Variants in DRC11 observed in about 807,000 individuals in gnomAD.
DRC11 encodes IQ and AAA domain-containing protein 1.
the DRC11 span, chr2:236,507,266 A>G: frequency 6.2e-7 from 1 of 1,613,874 alleles, no homozygotes; most frequent in African/African-American, 1.3e-5. Context: ...CGCGTTCGAC[A>G]TTGCTGGCTA....
At chr2:236,405,444 C>T in the DRC11 span, among the ~76,000 whole-genome samples, 1 of 151,688 alleles carries the variant, frequency 6.6e-6, no homozygotes, top group Non-Finnish European at 1.5e-5. This position sits in a 1 kb window ranked among gnomAD's most constrained non-coding sequence, Gnocchi z 4.6. Flanking sequence ...GTTTTCTGGG[C>T]CTTGCTTTCT....
At chr2:236,477,593 T>A in the DRC11 span, among the ~76,000 whole-genome samples, 2 of 152,194 alleles carry the variant, frequency 1.3e-5, no homozygotes, top group Non-Finnish European at 2.9e-5. Flanking sequence ...TAATTTTTTT[T>A]AATAGTTTGA....
At chr2:236,407,622 C>T in the DRC11 span, among the ~76,000 whole-genome samples, 60 of 152,238 alleles carry the variant, frequency 3.9e-4, no homozygotes, top group Non-Finnish European at 5.1e-4. Context: ...TTTTATATAT[C>T]GCTCTCCTAT....
chr2:236,359,669 T>G, the DRC11 span, among the ~76,000 whole-genome samples: 1 of 152,200 alleles, frequency 6.6e-6, no homozygotes, highest in African/African-American at 2.4e-5. The surrounding 1 kb of genome is among the most constrained non-coding windows in gnomAD (Gnocchi z 4.3). Flanking sequence ...GCCCTCCAGC[T>G]TCCTGCCGTC....
At chr2:236,455,228 G>A in the DRC11 span, 2 of 152,366 alleles carry the variant, frequency 1.3e-5, no homozygotes, top group African/African-American at 2.4e-5. This position sits in a 1 kb window ranked among gnomAD's most constrained non-coding sequence, Gnocchi z 5.7. Flanking sequence ...TGTTCGGAAG[G>A]AGGAGACCTA....
chr2:236,402,041 G>T, the DRC11 span, among the ~76,000 whole-genome samples: 1 of 152,224 alleles, frequency 6.6e-6, no homozygotes, highest in African/African-American at 2.4e-5. The surrounding 1 kb of genome is among the most constrained non-coding windows in gnomAD (Gnocchi z 6.0). Context: ...GAGGCTGGGT[G>T]TGGAGCCATT....
At chr2:236,486,100 G>T in the DRC11 span, among the ~76,000 whole-genome samples, 1 of 152,206 alleles carries the variant, frequency 6.6e-6, no homozygotes, top group African/African-American at 2.4e-5. This position sits in a 1 kb window ranked among gnomAD's most constrained non-coding sequence, Gnocchi z 5.7. Flanking sequence ...GACGAAGCCA[G>T]CTGCCATATG....
the DRC11 span, among the ~76,000 whole-genome samples, chr2:236,442,569 T>C: frequency 2.0e-5 from 3 of 152,320 alleles, no homozygotes; most frequent in South Asian, 4.1e-4. Flanking sequence ...TGAAAATCCA[T>C]GGATTTGTCT....
the DRC11 span, among the ~76,000 whole-genome samples, chr2:236,321,248 T>A: frequency 6.6e-6 from 1 of 152,354 alleles, no homozygotes. Flanking sequence ...GGAAATAATC[T>A]AATTATCTGT....
chr2:236,410,742 C>T, the DRC11 span, among the ~76,000 whole-genome samples: 1 of 150,860 alleles, frequency 6.6e-6, no homozygotes, highest in Admixed American at 6.6e-5. Flanking sequence ...AATAATGCCA[C>T]ATATCTACAA....
the DRC11 span, among the ~76,000 whole-genome samples, chr2:236,491,151 TAC>T: frequency 1.5e-4 from 11 of 72,808 alleles, 1 homozygote; most frequent in Admixed American, 2.8e-4. Flanking sequence ...AGTATATATA[TAC>T]ACACAGTATA....
At chr2:236,377,255 C>G in the DRC11 span, 2 of 908,496 alleles carry the variant, frequency 2.2e-6, no homozygotes, top group Non-Finnish European at 3.6e-6. This position sits in a 1 kb window ranked among gnomAD's most constrained non-coding sequence, Gnocchi z 4.9. Flanking sequence ...TGTTAATGAT[C>G]ACATACGCGG....
chr2:236,402,574 C>T, the DRC11 span, among the ~76,000 whole-genome samples: 2 of 152,186 alleles, frequency 1.3e-5, no homozygotes, highest in Non-Finnish European at 2.9e-5. The surrounding 1 kb of genome is among the most constrained non-coding windows in gnomAD (Gnocchi z 6.0). Flanking sequence ...TTGCCTGGAA[C>T]CGCAGCCCAT....
the DRC11 span, chr2:236,399,392 T>C: frequency 1.9e-6 from 3 of 1,598,358 alleles, no homozygotes; most frequent in African/African-American, 1.3e-5. The surrounding 1 kb of genome is among the most constrained non-coding windows in gnomAD (Gnocchi z 7.0). Context: ...TTGGTGACCA[T>C]GCACGTTCTC....
chr2:236,507,171 AAAG>A, the DRC11 span: 1 of 1,425,004 alleles, frequency 7.0e-7, no homozygotes, highest in African/African-American at 1.4e-5. Context: ...AGAAAAGAAA[AAAG>A]AAAATAAGAG....
At chr2:236,407,404 T>C in the DRC11 span, among the ~76,000 whole-genome samples, 13 of 151,948 alleles carry the variant, frequency 8.6e-5, no homozygotes, top group East Asian at 2.1e-3. Context: ...TGGGCTGGAG[T>C]CTACACCATG....
the DRC11 span, among the ~76,000 whole-genome samples, chr2:236,393,962 A>G: frequency 1.8e-4 from 28 of 152,322 alleles, no homozygotes; most frequent in South Asian, 8.3e-4. This position sits in a 1 kb window ranked among gnomAD's most constrained non-coding sequence, Gnocchi z 4.7. Flanking sequence ...TCACGCTGAT[A>G]TGGTGATGGT....
At chr2:236,409,796 T>G in the DRC11 span, among the ~76,000 whole-genome samples, 2 of 152,084 alleles carry the variant, frequency 1.3e-5, no homozygotes, top group Non-Finnish European at 2.9e-5. Flanking sequence ...AATACCTAAT[T>G]TATTGAGAGT....
the DRC11 span, among the ~76,000 whole-genome samples, chr2:236,381,684 TAG>T: frequency 6.6e-6 from 1 of 152,252 alleles, no homozygotes; most frequent in Non-Finnish European, 1.5e-5. The surrounding 1 kb of genome is among the most constrained non-coding windows in gnomAD (Gnocchi z 5.8). Flanking sequence ...TGTGACAGCC[TAG>T]AGAGACATGC....
Sources: gnomAD v4.1 joint callset for allele counts (sites outside exome capture counted in the v4.1 genomes callset) on GRCh38, gnomAD v4.1.1 for gene constraint, Gnocchi (gnomAD v3.1) non-coding constraint, MANE v1.5 for transcripts, NCBI Gene and HGNC (gene_info 2026-07-23, HGNC 2026-07-21) for gene names.